Variants in FILIP1 observed in about 807,000 individuals in gnomAD.
FILIP1 encodes the protein filamin A interacting protein 1, also known as filamin-A-interacting protein 1.
FILIP1 carries 61 observed loss-of-function variants against 102.1 expected under a neutral mutation model. The observed-to-expected ratio is 0.60, with a 90% confidence interval of 0.49 to 0.74. The LOEUF (loss-of-function observed/expected upper bound fraction) is 0.74. Ranked by LOEUF, FILIP1 falls within the 30% of genes least tolerant of loss-of-function variation. The pLI is 0.00. For missense variants in FILIP1, 1,314 were observed against 1,441.2 expected, an observed-to-expected ratio of 0.91 and a Z score of 1.43; for synonymous variants, 491 against 526.9, an observed-to-expected ratio of 0.93 and a Z score of 0.93.
chr6:75,379,430 G>C, intron 2 of FILIP1, among the ~76,000 whole-genome samples: 1 of 152,208 alleles, frequency 6.6e-6, no homozygotes, highest in East Asian at 1.9e-4. Flanking sequence ...AAGACAGAGA[G>C]AGAGAGGTCT....
intron 2 of FILIP1, among the ~76,000 whole-genome samples, chr6:75,394,990 ACAACTTAAATGTCCTG>A (rs924729779): frequency 9.9e-5 from 15 of 152,274 alleles, no homozygotes; most frequent in Admixed American, 4.6e-4. Flanking sequence ...AAAACTGGGT[ACAACTTAAATGTCCTG>A]CAACAGGAGA....
chr6:75,464,049 T>A (rs1433755764), intron 1 of FILIP1, among the ~76,000 whole-genome samples: 1 of 152,170 alleles, frequency 6.6e-6, no homozygotes. Flanking sequence ...TTCACAGAGG[T>A]CATTCTGGCA....
At chr6:75,456,498 G>T (rs1285131938) in intron 1 of FILIP1, among the ~76,000 whole-genome samples, 1 of 151,966 alleles carries the variant, frequency 6.6e-6, no homozygotes, top group African/African-American at 2.4e-5. Context: ...TTCAATAAAA[G>T]TGTGTTTCAT....
At chr6:75,489,310 G>A (rs755255829) in intron 1 of FILIP1, among the ~76,000 whole-genome samples, 10 of 152,036 alleles carry the variant, frequency 6.6e-5, no homozygotes, top group Non-Finnish European at 1.5e-4. Flanking sequence ...ATTATTGGCT[G>A]CTGTTCAAAT....
chr6:75,416,002 C>A (rs1777255747), intron 1 of FILIP1, among the ~76,000 whole-genome samples: 1 of 152,092 alleles, frequency 6.6e-6, no homozygotes, highest in African/African-American at 2.4e-5. Context: ...TTTGCCTAAA[C>A]CCTTAAATAT....
chr6:75,313,878 C>T lies in FILIP1; in HGVS notation c.1954G>A (p.Asp652Asn). The change falls in exon 5 of 6, where the codon GAT (aspartate) becomes AAT (asparagine). Residue 652 changes from aspartate (D) to asparagine (N), a missense_variant. Around this residue, in one of 3 missense-constraint regions of FILIP1, gnomAD observed 816 missense variants for 913.1 expected, o/e 0.89. Transcript: ENST00000237172. The surrounding 1 kb of genome is among the most constrained non-coding windows in gnomAD (Gnocchi z 4.2). ...TACTCATCTTCTGTCTTCATCAAATCCCCTTCGACCACTTCCAATTGTTGG... is the reference window on the plus strand; with the variant it reads ...TACTCATCTTCTGTCTTCATCAAATTCCCTTCGACCACTTCCAATTGTTGG... ...RLQQLEVVEG[D>N]LMKTEDEYDQ... 1 of 1,614,106 alleles carries T rather than the reference C, an allele frequency of 6.2e-7. No individual in the cohort carries two copies. The highest frequency in any genetic ancestry group is 8.5e-7 in the Non-Finnish European group (1 of 1,180,016).
rs1773558864 is a variant in FILIP1, at chr6:75,319,342, C to CA, written c.630-4141dup. 6.3e-6 allele frequency: 4 copies of CA among 637,344 alleles called. No individual in the cohort carries two copies. In the African/African-American group the frequency reaches 7.3e-5, roughly 12 times the overall value. 39.5% of individuals were successfully genotyped at this position (637,344 alleles called of 1,614,324 possible). A position where few individuals can be genotyped will look rare whatever the true frequency, so the allele number is the denominator to read the frequency against. Reference sequence around the variant, plus strand: ...TCTTCTTTGATTTTTGGGCGATACTCAGAGCAGAACATGAAAAAGGCCGAA... The same window carrying CA: ...TCTTCTTTGATTTTTGGGCGATACTCAAGAGCAGAACATGAAAAAGGCCGAA... On this transcript the variant is annotated intron_variant, in intron 4 of 5. Coordinates refer to ENST00000237172, the MANE Select transcript of FILIP1 (RefSeq NM_015687.5).
intron 1 of FILIP1, among the ~76,000 whole-genome samples, chr6:75,465,815 C>T (rs1466386069): frequency 2.6e-5 from 4 of 152,120 alleles, no homozygotes; most frequent in African/African-American, 9.7e-5. Flanking sequence ...GATCATGCTC[C>T]TTCTCTGCTG....
At chr6:75,372,785 A>AGAAAGAAG (rs1775617337) in intron 2 of FILIP1, among the ~76,000 whole-genome samples, 1 of 78,304 alleles carries the variant, frequency 1.3e-5, no homozygotes, top group African/African-American at 5.5e-5. Context: ...AAAGAAAGAA[A>AGAAAGAAG]GAAAGAAAGA....
At chr6:75,491,245 G>C (rs1779947195) in intron 1 of FILIP1, among the ~76,000 whole-genome samples, 2 of 152,094 alleles carry the variant, frequency 1.3e-5, no homozygotes, top group African/African-American at 4.8e-5. Context: ...CTGGGGCAAA[G>C]CTGGGGTATT....
chr6:75,447,919 T>C (rs549443168), intron 1 of FILIP1, among the ~76,000 whole-genome samples: 5 of 152,128 alleles, frequency 3.3e-5, no homozygotes, highest in South Asian at 2.1e-4. Context: ...GGTACCAATA[T>C]AGAAGAAAGG....
chr6:75,319,413 TCCCC>T, intron 4 of FILIP1: 1 of 622,218 alleles, frequency 1.6e-6, no homozygotes, highest in African/African-American at 1.8e-5. Context: ...CTTTTTTGTC[TCCCC>T]TTTAGGAGGG....
At chr6:75,365,364 GTTTT>G (rs9293998) in intron 2 of FILIP1, among the ~76,000 whole-genome samples, 102,282 of 151,396 alleles carry the variant, frequency 0.68, 34,693 homozygotes, top group Middle Eastern at 0.77. Context: ...TTGTTTTTCT[GTTTT>G]TTGTTTTTGT....
At chr6:75,310,773 C>T (rs182082696) in intron 5 of FILIP1, among the ~76,000 whole-genome samples, 2 of 152,314 alleles carry the variant, frequency 1.3e-5, no homozygotes, top group Admixed American at 6.5e-5. Context: ...CTCTATGTTA[C>T]CTAAAAAGCA....
At position 75,429,096 on chromosome 6, in the gene FILIP1, C is replaced by A. The variant is rs576271422; in HGVS notation, c.-6-14118G>T. Among the ~76,000 whole-genome samples, 10 of 150,014 alleles carry A rather than the reference C, an allele frequency of 6.7e-5. No individual in the cohort carries two copies. In the South Asian group the frequency reaches 1.0e-3, roughly 16 times the overall value. On this transcript the variant is annotated intron_variant, in intron 1 of 5. Coordinates refer to ENST00000237172, the MANE Select transcript of FILIP1 (RefSeq NM_015687.5). ...GTTTTTTTGTTATTGCAGAGAAATT[C>A]TTCTCTGTACCTAAGGGGAAAAACA...
chr6:75,446,634 A>G (rs1325873564), intron 1 of FILIP1, among the ~76,000 whole-genome samples: 1 of 152,144 alleles, frequency 6.6e-6, no homozygotes, highest in African/African-American at 2.4e-5. Flanking sequence ...AAGCTCAAGG[A>G]AGCTACAACT....
intron 1 of FILIP1, among the ~76,000 whole-genome samples, chr6:75,435,005 T>C (rs1176885000): frequency 6.6e-6 from 1 of 152,232 alleles, no homozygotes; most frequent in Non-Finnish European, 1.5e-5. Flanking sequence ...TCTGTGTATG[T>C]TGAACCAGCC....
chr6:75,482,229 G>A (rs927072218), intron 1 of FILIP1, among the ~76,000 whole-genome samples: 4 of 152,152 alleles, frequency 2.6e-5, no homozygotes, highest in Admixed American at 2.0e-4. Context: ...GAAGTGATGC[G>A]AGAAAGAAAT....
rs1362802419 is a variant in FILIP1 at position 75,314,771 on chromosome 6, T to C, written c.1061A>G (p.Lys354Arg). 6.2e-7 allele frequency: 1 copy of C among 1,614,008 alleles called. No homozygotes were observed. Among genetic ancestry groups the C allele is most frequent in the Non-Finnish European group, 8.5e-7 (1 of 1,180,014 alleles). ...ELEETNKNLQ[K>R]AEEELQELRD... ...TAATTCTTGAAGTTCTTCCTCTGCCTTCTGCAGATTTTTGTTGGTCTCTTC... is the reference window on the plus strand; with the variant it reads ...TAATTCTTGAAGTTCTTCCTCTGCCCTCTGCAGATTTTTGTTGGTCTCTTC... The change falls in exon 5 of 6, where the codon AAG (lysine) becomes AGG (arginine). Residue 354 changes from lysine (K) to arginine (R), a missense_variant. By Grantham distance (26) the Lys-to-Arg change is conservative. This residue lies in a region of FILIP1 where 494 missense variants were observed against 511.2 expected (regional missense o/e 0.97). Coordinates refer to ENST00000237172, the MANE Select transcript of FILIP1 (RefSeq NM_015687.5).
Sources: gnomAD v4.1 joint callset for allele counts (sites outside exome capture counted in the v4.1 genomes callset) on GRCh38, gnomAD v4.1.1 for gene constraint, gnomAD v4.1.1 regional missense constraint, Gnocchi (gnomAD v3.1) non-coding constraint, MANE v1.5 for transcripts, NCBI Gene and HGNC (gene_info 2026-07-23, HGNC 2026-07-21) for gene names.